LYRM4: variants seen among roughly 807,000 people sequenced by gnomAD.
LYRM4 encodes LYR motif-containing protein 4.
LYRM4 carries 9 observed loss-of-function variants against 11.7 expected under a neutral mutation model. The observed-to-expected ratio is 0.77, with a 90% CI of 0.46 to 1.34. The LOEUF (loss-of-function observed/expected upper bound fraction) is 1.34. Among genes scored for constraint, LYRM4 ranks in the 40% most tolerant of loss-of-function variants. LYRM4 has a pLI of 0.00. For missense variants in LYRM4, 133 were observed against 112.5 expected, an observed-to-expected ratio of 1.18 and a Z score of -0.82; for synonymous variants, 42 against 40.4, an observed-to-expected ratio of 1.04 and a Z score of -0.15.
chr6:5,174,826 G>A (rs929789521), intron 2 of LYRM4, among the ~76,000 whole-genome samples: 16 of 152,062 alleles, frequency 1.1e-4, no homozygotes, highest in African/African-American at 3.1e-4. Context: ...AACAAACGTC[G>A]AGAAAGGCTG....
At chr6:5,139,056 A>G (rs1757266688) in intron 2 of LYRM4, among the ~76,000 whole-genome samples, 1 of 152,232 alleles carries the variant, frequency 6.6e-6, no homozygotes, top group Non-Finnish European at 1.5e-5. Context: ...CACTTATGCT[A>G]GGTACTTTGT....
intron 2 of LYRM4, among the ~76,000 whole-genome samples, chr6:5,120,739 C>T (rs563311441): frequency 1.5e-3 from 231 of 152,248 alleles, no homozygotes; most frequent in African/African-American, 5.2e-3. Flanking sequence ...AGCCTCAGAG[C>T]GCTGATTGGT....
chr6:5,193,063 C>T (rs902260813), intron 2 of LYRM4, among the ~76,000 whole-genome samples: 1 of 152,252 alleles, frequency 6.6e-6, no homozygotes, highest in Non-Finnish European at 1.5e-5. Flanking sequence ...TAAGAGCTTA[C>T]TCTTGGATTT....
intron 2 of LYRM4, among the ~76,000 whole-genome samples, chr6:5,163,406 G>C (rs560662470): frequency 6.6e-6 from 1 of 152,084 alleles, no homozygotes; most frequent in East Asian, 1.9e-4. Flanking sequence ...CTGTTTCACC[G>C]ATCAGTTTGC....
chr6:5,048,290 GGTGTGTGTGTGTGTGTGTGTGT>G, the LYRM4 span, among the ~76,000 whole-genome samples: 6 of 140,056 alleles, frequency 4.3e-5, no homozygotes, highest in East Asian at 8.7e-4. Context: ...GACACTTTGT[GGTGTGTGTGTGTGTGTGTGTGT>G]GTGTGTGTGT....
intron 2 of LYRM4, among the ~76,000 whole-genome samples, chr6:5,178,301 A>G (rs914647368): frequency 1.3e-5 from 2 of 152,164 alleles, no homozygotes; most frequent in African/African-American, 4.8e-5. Flanking sequence ...TATGTGTATC[A>G]TAAACTAAAA....
chr6:5,113,847 A>G (rs1224482708), intron 2 of LYRM4, among the ~76,000 whole-genome samples: 2 of 151,982 alleles, frequency 1.3e-5, no homozygotes, highest in African/African-American at 4.8e-5. Context: ...GATTACAGGC[A>G]TGTGCCGCCA....
At chr6:5,136,807 T>A in intron 2 of LYRM4, 1 of 985,436 alleles carries the variant, frequency 1.0e-6, no homozygotes, top group Non-Finnish European at 1.2e-6. Flanking sequence ...GAAGAAACTC[T>A]GGTCTCTTCC....
the LYRM4 span, among the ~76,000 whole-genome samples, chr6:5,093,048 T>C: frequency 6.6e-6 from 1 of 152,234 alleles, no homozygotes; most frequent in African/African-American, 2.4e-5. Context: ...ACACACAATA[T>C]GTTCTTTGGA....
intron 2 of LYRM4, among the ~76,000 whole-genome samples, chr6:5,112,100 C>T (rs1189757704): frequency 6.6e-6 from 1 of 152,164 alleles, no homozygotes; most frequent in Non-Finnish European, 1.5e-5. Flanking sequence ...CTGCCCCCTC[C>T]GGAAGGGAGG....
chr6:5,073,568 A>G, the LYRM4 span, among the ~76,000 whole-genome samples: 28 of 148,128 alleles, frequency 1.9e-4, no homozygotes, highest in Non-Finnish European at 3.4e-4. Context: ...TATATTATAT[A>G]TAGTACATAG....
intron 2 of LYRM4, among the ~76,000 whole-genome samples, chr6:5,156,283 C>T (rs980386720): frequency 6.6e-6 from 1 of 152,222 alleles, no homozygotes; most frequent in East Asian, 1.9e-4. Context: ...CAGCAAGGCA[C>T]TGTGCTTCAG....
chr6:5,239,749 G>C (rs1215877427), intron 1 of LYRM4, among the ~76,000 whole-genome samples: 1 of 152,172 alleles, frequency 6.6e-6, no homozygotes, highest in Admixed American at 6.5e-5. Flanking sequence ...CCAGCTGCAG[G>C]CTGTCAGGGT....
chr6:5,145,768 C>A (rs998740150), intron 2 of LYRM4, among the ~76,000 whole-genome samples: 26 of 152,196 alleles, frequency 1.7e-4, no homozygotes, highest in African/African-American at 6.3e-4. Context: ...GTCTTATTTA[C>A]ACCCACGGCT....
intron 1 of LYRM4, among the ~76,000 whole-genome samples, chr6:5,225,302 A>G (rs1762820473): frequency 6.6e-6 from 1 of 152,076 alleles, no homozygotes; most frequent in South Asian, 2.1e-4. Flanking sequence ...ACAGGTAAAA[A>G]AGATGTAAGG....
In LYRM4 at chr6:5,191,971, T is replaced by C. The variant is rs1760780662; in HGVS notation, c.207+24647A>G. Among the ~76,000 whole-genome samples, 6 of 152,120 alleles carry C rather than the reference T, an allele frequency of 3.9e-5. No individual in the cohort carries two copies. The South Asian group carries it at 1.2e-3, about 32-fold the overall frequency. Reference sequence around the variant, plus strand: ...TCCGACAGATTAAGACTGGAGAACATTCTGGACTCAATACATCAATGTCAT... The same window carrying C: ...TCCGACAGATTAAGACTGGAGAACACTCTGGACTCAATACATCAATGTCAT... On this transcript the variant is annotated intron_variant, in intron 2 of 2. Coordinates refer to ENST00000330636, the MANE Select transcript of LYRM4 (RefSeq NM_020408.6).
intron 1 of LYRM4, among the ~76,000 whole-genome samples, chr6:5,251,102 T>C (rs1343928796): frequency 1.3e-5 from 2 of 152,220 alleles, no homozygotes; most frequent in Non-Finnish European, 2.9e-5. Context: ...GCAACCATAC[T>C]ACAATCTTGT....
chr6:5,037,720 GC>G, the LYRM4 span, among the ~76,000 whole-genome samples: 5 of 40,008 alleles, frequency 1.2e-4, no homozygotes, highest in Admixed American at 3.1e-4. Flanking sequence ...GGACGGGGCG[GC>G]TGGCCGGGCA....
intron 2 of LYRM4, among the ~76,000 whole-genome samples, chr6:5,202,966 G>C (rs946787593): frequency 6.6e-6 from 1 of 152,198 alleles, no homozygotes; most frequent in South Asian, 2.1e-4. Context: ...AGAGAGGACA[G>C]CCCTAGTCTC....
Sources: gnomAD v4.1 joint callset for allele counts (sites outside exome capture counted in the v4.1 genomes callset) on GRCh38, gnomAD v4.1.1 for gene constraint, MANE v1.5 for transcripts, NCBI Gene and HGNC (gene_info 2026-07-23, HGNC 2026-07-21) for gene names.